G3BP1: variants seen among roughly 807,000 people sequenced by gnomAD.
The protein encoded by G3BP1 is G3BP stress granule assembly factor 1.
In G3BP1, 35 loss-of-function variants were observed where a neutral mutation model predicts 58.6. The ratio of observed to expected loss-of-function variants is 0.60; its 90% CI spans 0.46 to 0.79. The LOEUF (loss-of-function observed/expected upper bound fraction) is 0.79, where lower values mean the gene tolerates loss of function less well. Ranked by LOEUF, G3BP1 falls within the 30% of genes least tolerant of loss-of-function variation. The pLI, the probability that G3BP1 is intolerant of heterozygous loss-of-function variation, is 0.00. For missense variants in G3BP1, 523 were observed against 580.8 expected, an observed-to-expected ratio of 0.90 and a Z score of 1.02; for synonymous variants, 191 against 195.4, an observed-to-expected ratio of 0.98 and a Z score of 0.19.
chr5:151,793,692 G>A (rs932829030), intron 4 of G3BP1, among the ~76,000 whole-genome samples: 3 of 151,982 alleles, frequency 2.0e-5, no homozygotes, highest in Non-Finnish European at 4.4e-5. Context: ...AGCATTCCAT[G>A]TAGTGAATAC....
Position 151,806,932 on chromosome 5 carries a change from G to GT in G3BP1, c.*2842dup, listed in dbSNP as rs1191213868. On this transcript the variant is annotated 3_prime_UTR_variant, in exon 12 of 12. Coordinates refer to ENST00000356245, the MANE Select transcript of G3BP1 (RefSeq NM_005754.3). ...TGCACCATTGCACCTGGCCTCATGAGTATTTTAGTTAGATAAGATTTGTTT... is the reference window on the plus strand; with the variant it reads ...TGCACCATTGCACCTGGCCTCATGAGTTATTTTAGTTAGATAAGATTTGTTT... The GT allele has an allele frequency of 6.6e-6, 1 of 152,126 alleles. No individual in the cohort carries two copies. Among genetic ancestry groups the GT allele is most frequent in the African/African-American group, 2.4e-5 (1 of 41,428 alleles). 9.4% of individuals were successfully genotyped at this position (152,126 alleles called of 1,614,324 possible).
intron 11 of G3BP1, among the ~76,000 whole-genome samples, chr5:151,802,230 T>C (rs147366810): frequency 1.3e-5 from 2 of 152,316 alleles, no homozygotes; most frequent in East Asian, 1.9e-4. Flanking sequence ...TGCAAAATAC[T>C]GTTTGAGAAA....
At position 151,792,162 on chromosome 5, in the gene G3BP1, G is replaced by C. The variant is rs766529321; in HGVS notation, c.351+1100G>C. 1.3e-5 allele frequency: 6 copies of C among 455,896 alleles called. 1 individual carries two copies. The highest frequency in any genetic ancestry group is 7.7e-5 in the South Asian group (5 of 64,536). 28.2% of individuals were successfully genotyped at this position (455,896 alleles called of 1,614,324 possible). A position where few individuals can be genotyped will look rare whatever the true frequency, so the allele number is the denominator to read the frequency against. Reference sequence around the variant, plus strand: ...GACGACAAGTTTATGTTGAATGATTGCATTTGTGTTTTCTTCCGGATTGGT... The same window carrying C: ...GACGACAAGTTTATGTTGAATGATTCCATTTGTGTTTTCTTCCGGATTGGT... On this transcript the variant is annotated intron_variant, in intron 4 of 11. Transcript: ENST00000356245.
intron 1 of G3BP1, among the ~76,000 whole-genome samples, chr5:151,774,338 TTA>T (rs918686755): frequency 3.9e-5 from 6 of 152,036 alleles, no homozygotes; most frequent in Non-Finnish European, 5.9e-5. Flanking sequence ...CTTTTGTAAC[TTA>T]TGGTTTTTTT....
rs750288335 is a variant in G3BP1, at chr5:151,795,549, A to G, written c.513A>G (p.Gly171=). ...CTGAGGTGGTACCTGATGATTCTGGAACTTTCTATGATCAGGCAGTTGTCA... is the reference window on the plus strand; with the variant it reads ...CTGAGGTGGTACCTGATGATTCTGGGACTTTCTATGATCAGGCAGTTGTCA... ...QTPEVVPDDS[G]TFYDQAVVSN... is the part of the protein sequence containing the mutation. The change falls in exon 6 of 12, where the codon GGA becomes GGG. Residue 171 remains glycine, a synonymous_variant. Transcript: ENST00000356245. 1 of 1,602,722 alleles carries G rather than the reference A, an allele frequency of 6.2e-7. No homozygotes were observed. Among genetic ancestry groups the G allele is most frequent in the African/African-American group, 1.3e-5 (1 of 74,780 alleles).
Position 151,790,874 on chromosome 5 carries a change from TA to T in G3BP1, c.178-14del. ...ATTCTCAGTTGATTATTATTATTAT[TA>T]TTATTTTTTTAAGGAAATCCACAGG... On this transcript the variant is annotated splice_polypyrimidine_tract_variant and intron_variant, in intron 3 of 11. Coordinates refer to ENST00000356245, the MANE Select transcript of G3BP1 (RefSeq NM_005754.3). 1 of 1,414,198 alleles carries T rather than the reference TA, an allele frequency of 7.1e-7. No homozygotes were observed. 87.6% of individuals were successfully genotyped at this position (1,414,198 alleles called of 1,614,324 possible).
At chr5:151,799,378 A>G in intron 8 of G3BP1, 65 bp downstream of exon 8, 1 of 845,818 alleles carries the variant, frequency 1.2e-6, no homozygotes, top group South Asian at 1.4e-5. Context: ...TTGATTCAAC[A>G]GAGGTTTAGA....
chr5:151,811,461 G>A lies in G3BP1; in HGVS notation c.*7370G>A, dbSNP rs1763017840. ...ATTGGAAGTTCTTGCATATAAAGTT[G>A]GTTAAATAGTAATAATTATGAGTTA... On this transcript the variant is annotated 3_prime_UTR_variant, in exon 12 of 12. Transcript: ENST00000356245. 6.6e-6 allele frequency: 1 copy of A among 152,086 alleles called. No individual in the cohort carries two copies. Among genetic ancestry groups the A allele is most frequent in the Non-Finnish European group, 1.5e-5 (1 of 68,016 alleles). 9.4% of individuals were successfully genotyped at this position (152,086 alleles called of 1,614,324 possible).
At chr5:151,801,849 C>T (rs1415135520) in intron 11 of G3BP1, among the ~76,000 whole-genome samples, 1 of 150,900 alleles carries the variant, frequency 6.6e-6, no homozygotes, top group African/African-American at 2.4e-5. Flanking sequence ...GTGTCTCTCT[C>T]TGCCACCCAG....
intron 11 of G3BP1, among the ~76,000 whole-genome samples, chr5:151,801,599 A>T (rs140529339): frequency 0.012 from 1,807 of 152,252 alleles, 17 homozygotes; most frequent in South Asian, 0.024. Context: ...TTGTGCAACC[A>T]TTACCTTTAA....
At chr5:151,803,196 A>G (rs1449361945) in intron 11 of G3BP1, among the ~76,000 whole-genome samples, 2 of 152,244 alleles carry the variant, frequency 1.3e-5, no homozygotes, top group East Asian at 1.9e-4. Flanking sequence ...TTAAATGTAT[A>G]TGTACTTTGC....
intron 2 of G3BP1, 28 bp downstream of exon 2, chr5:151,786,743 A>G (rs1176916066): frequency 7.9e-7 from 1 of 1,272,524 alleles, no homozygotes; most frequent in South Asian, 1.2e-5. Context: ...TGCATCATCT[A>G]ATGCTGTCTT....
rs532872179 is a variant in G3BP1, at chr5:151,776,569, A to AT, written c.-50+4541dup. On this transcript the variant is annotated intron_variant, in intron 1 of 11. Coordinates refer to ENST00000356245, the MANE Select transcript of G3BP1 (RefSeq NM_005754.3). Reference sequence around the variant, plus strand: ...TTATTACTTCGGGGTTCTAATGGTGATTTTTTTTATTTTCCTCATTCCTTC... The same window carrying AT: ...TTATTACTTCGGGGTTCTAATGGTGATTTTTTTTTATTTTCCTCATTCCTTC... 1.7e-4 allele frequency among the ~76,000 whole-genome samples: 26 copies of AT among 151,740 alleles called. No homozygotes were observed. In the East Asian group the frequency reaches 2.5e-3, roughly 15 times the overall value.
chr5:151,803,077 T>C (rs1762881263), intron 11 of G3BP1, among the ~76,000 whole-genome samples: 1 of 152,220 alleles, frequency 6.6e-6, no homozygotes. Context: ...CGTAGCCCCT[T>C]AACTACTTTG....
chr5:151,797,142 C>G, intron 6 of G3BP1, 85 bp from the exon 7 acceptor site: 3 of 1,318,536 alleles, frequency 2.3e-6, no homozygotes, highest in Non-Finnish European at 3.2e-6. Flanking sequence ...ACTCTGTGTT[C>G]TGGTTTCTGA....
chr5:151,791,313 A>T lies in G3BP1; in HGVS notation c.351+251A>T, dbSNP rs541600623. The T allele has an allele frequency of 1.7e-5, 5 of 293,746 alleles. No individual in the cohort carries two copies. The East Asian group carries it at 2.9e-4, about 17-fold the overall frequency. 18.2% of individuals were successfully genotyped at this position (293,746 alleles called of 1,614,324 possible). On this transcript the variant is annotated intron_variant, in intron 4 of 11. Transcript: ENST00000356245. Reference sequence around the variant, plus strand: ...TTCTCTTCCATTCTGTAGTACAGTTATCAAATTCAGGAAATGTTGATGCAA... The same window carrying T: ...TTCTCTTCCATTCTGTAGTACAGTTTTCAAATTCAGGAAATGTTGATGCAA...
At chr5:151,781,955 T>C (rs1762478699) in intron 1 of G3BP1, among the ~76,000 whole-genome samples, 1 of 152,002 alleles carries the variant, frequency 6.6e-6, no homozygotes, top group South Asian at 2.1e-4. Context: ...CTGTAGTTCA[T>C]CCAAAAGGTA....
intron 1 of G3BP1, among the ~76,000 whole-genome samples, chr5:151,779,672 A>G (rs181143765): frequency 3.9e-5 from 6 of 152,348 alleles, no homozygotes; most frequent in Middle Eastern, 3.4e-3. Context: ...GCTTTCTGGC[A>G]GGCATAAATA....
At chr5:151,797,197 AATG>A in intron 6 of G3BP1, 27 bp from the exon 7 acceptor site, 1 of 1,607,796 alleles carries the variant, frequency 6.2e-7, no homozygotes, top group South Asian at 1.1e-5. Context: ...ATGGTGGCAG[AATG>A]ATATTTCTCA....
Sources: allele counts gnomAD v4.1 joint callset (sites outside exome capture counted in the v4.1 genomes callset), GRCh38; gene constraint gnomAD v4.1.1; transcripts MANE v1.5; gene names NCBI Gene and HGNC (gene_info 2026-07-23, HGNC 2026-07-21).